The following SZT2 variants were observed in gnomAD, a reference collection of about 807,000 sequenced individuals.
SZT2 encodes SZT2 subunit of KICSTOR complex.
Under a neutral mutation model 404.2 loss-of-function variants are expected in SZT2, and 216 were observed. The ratio of observed to expected loss-of-function variants is 0.53; its 90% CI spans 0.48 to 0.60. The LOEUF (loss-of-function observed/expected upper bound fraction) is 0.60, where lower values mean the gene tolerates loss of function less well. SZT2 is among the 20% of genes least tolerant of loss of function. The probability of loss-of-function intolerance (pLI) is 0.00; values close to 1 mark genes in which losing one functional copy is unlikely to be tolerated. For synonymous variants in SZT2, 1,693 were observed against 1,749.9 expected, an observed-to-expected ratio of 0.97 and a Z score of 0.81; for missense variants, 3,857 against 4,459.2, an observed-to-expected ratio of 0.86 and a Z score of 3.85.
At position 43,428,094 on chromosome 1, in the gene SZT2, C is replaced by T. The variant is rs1239626889; in HGVS notation, c.3895C>T (p.His1299Tyr). Residue 1299 changes from histidine (H) to tyrosine (Y), a missense_variant, in exon 27 of 72, where the codon CAT becomes TAT. This residue lies in a region of SZT2 where 1,725 missense variants were observed against 1,881.0 expected (regional missense o/e 0.92). Coordinates refer to ENST00000634258, the MANE Select transcript of SZT2 (RefSeq NM_001365999.1). The part of the protein sequence containing the change: ...AANHCALLQE[H>Y]AQRCYVRGLF... ...TAACCACTGTGCCCTGCTGCAGGAG[C>T]ATGCACAGCGGTGCTATGTCCGTGG... The T allele has an allele frequency of 6.2e-7, 1 of 1,614,136 alleles. No individual in the cohort carries two copies.
At chr1:43,416,200 C>A (rs1651702275) in intron 6 of SZT2, 99 bp downstream of exon 6, 2 of 1,439,778 alleles carry the variant, frequency 1.4e-6, no homozygotes, top group Non-Finnish European at 1.9e-6. Context: ...ATCAGTGGGC[C>A]CCAGGGAAGA....
At chr1:43,407,257 A>C (rs1043679991) in intron 4 of SZT2, among the ~76,000 whole-genome samples, 4 of 152,168 alleles carry the variant, frequency 2.6e-5, no homozygotes, top group African/African-American at 9.7e-5. Flanking sequence ...TAATCCTAGC[A>C]CTTTGGGAAG....
At position 43,426,150 on chromosome 1, in the gene SZT2, A is replaced by G. The variant is rs938116069; in HGVS notation, c.3042A>G (p.Arg1014=). ...AGATGTTCTTCCTCTTGCTTGCCAG[A>G]GGTAGGTGAACCTGGTACCCTTTCA... The part of the protein sequence containing the change: ...QLQMFFLLLA[R]EPEGVPFAEG... The change falls in exon 21 of 72, where the codon AGA becomes AGG. Residue 1014 remains arginine (R), a splice_region_variant and synonymous_variant. Coordinates refer to ENST00000634258, the MANE Select transcript of SZT2 (RefSeq NM_001365999.1). The surrounding 1 kb of genome is among the most constrained non-coding windows in gnomAD (Gnocchi z 4.9). 1.2e-6 allele frequency: 2 copies of G among 1,614,026 alleles called. No homozygotes were observed. Among genetic ancestry groups the G allele is most frequent in the Admixed American group, 1.7e-5 (1 of 60,006 alleles).
chr1:43,409,247 T>G (rs886348678), intron 4 of SZT2, among the ~76,000 whole-genome samples: 1 of 152,154 alleles, frequency 6.6e-6, no homozygotes, highest in South Asian at 2.1e-4. Context: ...TAGAGAGTAG[T>G]GTACCCTCCA....
intron 4 of SZT2, among the ~76,000 whole-genome samples, chr1:43,411,822 C>T (rs544248265): frequency 3.7e-5 from 5 of 136,500 alleles, no homozygotes; most frequent in South Asian, 4.7e-4. Context: ...TCTGTCACCT[C>T]GGGTGGAGTG....
At chr1:43,428,591 C>A (rs1653471602) in intron 28 of SZT2, 105 bp downstream of exon 28, 2 of 1,468,520 alleles carry the variant, frequency 1.4e-6, no homozygotes, top group South Asian at 2.6e-5. Context: ...AGTATCTAAG[C>A]ACCTGAGAAG....
In SZT2 at chr1:43,426,941, A is replaced by G; in HGVS notation, c.3310-115A>G. On this transcript the variant is annotated intron_variant, in intron 23 of 71. Transcript: ENST00000634258. The surrounding 1 kb of genome is among the most constrained non-coding windows in gnomAD (Gnocchi z 4.9). ...CAATGACACAATGCCGTCATTTTCC[A>G]TTGTCCTGGATCTTTCAAGCTATAC... is the stretch of plus-strand genomic sequence containing the variant. 1.3e-6 allele frequency: 2 copies of G among 1,563,240 alleles called. No individual in the cohort carries two copies. Among genetic ancestry groups the G allele is most frequent in the Non-Finnish European group, 1.7e-6 (2 of 1,146,760 alleles).
At chr1:43,390,477 A>G (rs1309761541) in intron 1 of SZT2, among the ~76,000 whole-genome samples, 1 of 152,158 alleles carries the variant, frequency 6.6e-6, no homozygotes, top group African/African-American at 2.4e-5. Context: ...TCGTTCCAAT[A>G]TTGGCGCTGT....
chr1:43,426,864 C>A lies in SZT2; in HGVS notation c.3309+55C>A. 1.3e-6 allele frequency: 2 copies of A among 1,584,614 alleles called. No individual in the cohort carries two copies. The highest frequency in any genetic ancestry group is 1.7e-6 in the Non-Finnish European group (2 of 1,156,492). ...TGTCACACTGACCTCCTTCCAGCAC[C>A]ACATCTTCAGGCCCCAACCTTCTAC... On this transcript the variant is annotated intron_variant, in intron 23 of 71. Coordinates refer to ENST00000634258, the MANE Select transcript of SZT2 (RefSeq NM_001365999.1). This position sits in a 1 kb window ranked among gnomAD's most constrained non-coding sequence, Gnocchi z 4.9.
chr1:43,447,824 C>CA, intron 67 of SZT2, 25 bp from the exon 68 acceptor site: 1 of 1,613,614 alleles, frequency 6.2e-7, no homozygotes, highest in Non-Finnish European at 8.5e-7. Context: ...CCAGAGTTGA[C>CA]ATCTCCCCAA....
Position 43,441,510 on chromosome 1 carries a change from G to T in SZT2, c.7518G>T (p.Arg2506=). ...SDSGAQRQKR[R]TTQLEEGEVG... The stretch of plus-strand genomic sequence containing the variant: ...TTACTCCCACTGTCTTCAGGCGCCG[G>T]ACAACACAGCTAGAAGAGGGTGAGG... The change falls in exon 54 of 72, where the codon CGG becomes CGT. Residue 2506 remains arginine, a synonymous_variant. Transcript: ENST00000634258. This position sits in a 1 kb window ranked among gnomAD's most constrained non-coding sequence, Gnocchi z 4.8. 1 of 1,613,802 alleles carries T rather than the reference G, an allele frequency of 6.2e-7. No homozygotes were observed. The highest frequency in any genetic ancestry group is 2.2e-5 in the East Asian group (1 of 44,880).
rs1557574415 is a variant in SZT2 at position 43,433,080 on chromosome 1, G to A, written c.5694G>A (p.Gly1898=). ...KAPFTLRTPP[G]PAPPQPSLSG... ...CCTTCACATTGCGGACTCCACCTGG[G>A]CCAGCACCTCCACAGCCTTCACTCT... is the stretch of plus-strand genomic sequence containing the variant. Residue 1898 remains glycine (G), a synonymous_variant, in exon 40 of 72, where the codon GGG becomes GGA. Coordinates refer to ENST00000634258, the MANE Select transcript of SZT2 (RefSeq NM_001365999.1). 5 of 1,613,992 alleles carry A rather than the reference G, an allele frequency of 3.1e-6. No homozygotes were observed. Among genetic ancestry groups the A allele is most frequent in the South Asian group, 1.1e-5 (1 of 91,074 alleles).
chr1:43,432,572 C>T lies in SZT2; in HGVS notation c.5498C>T (p.Pro1833Leu), dbSNP rs759331186. 26 of 1,613,582 alleles carry T rather than the reference C, an allele frequency of 1.6e-5. No individual in the cohort carries two copies. The Admixed American group carries it at 4.2e-4, about 26-fold the overall frequency. ...PGSPEDSEGVPLISLPRVPQG... is the reference protein window; with the variant it reads ...PGSPEDSEGVLLISLPRVPQG... The stretch of plus-strand genomic sequence containing the variant: ...TCCCCAGAGGATTCTGAGGGTGTCC[C>T]CCTCATCAGCCTGCCCCGCGTGCCA... The change falls in exon 38 of 72, where the codon CCC becomes CTC. Residue 1833 changes from proline to leucine, a missense_variant. Coordinates refer to ENST00000634258, the MANE Select transcript of SZT2 (RefSeq NM_001365999.1).
At position 43,425,798 on chromosome 1, in the gene SZT2, A is replaced by G; in HGVS notation, c.2815-37A>G. On this transcript the variant is annotated intron_variant, in intron 19 of 71. Transcript: ENST00000634258. The surrounding 1 kb of genome is among the most constrained non-coding windows in gnomAD (Gnocchi z 4.3). ...GGAACCCAGGGTATCCTGGGCTAAG[A>G]GGGGTTGACTCCTGACCTCTGATGT... 1 of 1,604,574 alleles carries G rather than the reference A, an allele frequency of 6.2e-7. No homozygotes were observed. The highest frequency in any genetic ancestry group is 8.5e-7 in the Non-Finnish European group (1 of 1,172,140).
intron 62 of SZT2, chr1:43,445,184 G>A (rs1655525411): frequency 6.6e-6 from 1 of 152,022 alleles, no homozygotes. Flanking sequence ...TTAGACACTG[G>A]GTTAAAAAAA....
Position 43,432,556 on chromosome 1 carries a change from G to A in SZT2, c.5482G>A (p.Asp1828Asn), listed in dbSNP as rs1435394932. ...ASPQAPGSPE[D>N]SEGVPLISLP... is the part of the protein sequence containing the mutation. ...CCCCCAAGCACCTGGGTCCCCAGAG[G>A]ATTCTGAGGGTGTCCCCCTCATCAG... The change falls in exon 38 of 72, where the codon GAT becomes AAT. Residue 1828 changes from aspartate (D) to asparagine (N), a missense_variant. Coordinates refer to ENST00000634258, the MANE Select transcript of SZT2 (RefSeq NM_001365999.1). 6.2e-7 allele frequency: 1 copy of A among 1,613,628 alleles called. No homozygotes were observed. Among genetic ancestry groups the A allele is most frequent in the East Asian group, 2.2e-5 (1 of 44,868 alleles).
rs956597516 is a variant in SZT2, at chr1:43,415,103, T to C, written c.520T>C (p.Leu174=). 3 of 1,598,034 alleles carry C rather than the reference T, an allele frequency of 1.9e-6. No individual in the cohort carries two copies. The African/African-American group carries it at 4.0e-5, about 21-fold the overall frequency. Residue 174 remains leucine (L), a synonymous_variant, in exon 5 of 72, where the codon TTG becomes CTG. Transcript: ENST00000634258. ...SHQVLVQGCL[L]DPSQREVFLQ... is the part of the protein sequence containing the mutation. ...TTAGGTGCTGGTACAGGGCTGCCTC[T>C]TGGACCCTTCCCAGCGGGAGGTGTT...
In SZT2 at chr1:43,443,035, G is replaced by A. The variant is rs1655246404; in HGVS notation, c.8368G>A (p.Val2790Ile). The change falls in exon 59 of 72, where the codon GTC (valine) becomes ATC (isoleucine). Residue 2790 changes from valine (V) to isoleucine (I), a missense_variant. Physicochemically the swap from Val to Ile is conservative, Grantham distance 29. Coordinates refer to ENST00000634258, the MANE Select transcript of SZT2 (RefSeq NM_001365999.1). Reference sequence around the variant, plus strand: ...TCCTGTGCCCAGACCTCCTGATCCTGTCACCTACCATGGACAACAGTTCCT... The same window carrying A: ...TCCTGTGCCCAGACCTCCTGATCCTATCACCTACCATGGACAACAGTTCCT... ...LGPVPRPPDP[V>I]TYHGQQFLEI... The A allele has an allele frequency of 1.2e-6, 2 of 1,613,766 alleles. No homozygotes were observed. The highest frequency in any genetic ancestry group is 1.7e-5 in the Admixed American group (1 of 59,992).
At chr1:43,438,664 C>T (rs1490478155) in intron 46 of SZT2, 35 bp from the exon 47 acceptor site, 2 of 1,595,038 alleles carry the variant, frequency 1.3e-6, no homozygotes, top group Admixed American at 3.4e-5. Flanking sequence ...GATCCTCTAC[C>T]AGTGTCCCCA....
Sources: allele counts gnomAD v4.1 joint callset (sites outside exome capture counted in the v4.1 genomes callset), GRCh38; gene constraint gnomAD v4.1.1; regional missense constraint gnomAD v4.1.1; non-coding constraint Gnocchi (gnomAD v3.1); transcripts MANE v1.5; gene names NCBI Gene and HGNC (gene_info 2026-07-23, HGNC 2026-07-21).